ACTR1A: variants seen among roughly 807,000 people sequenced by gnomAD.
ACTR1A encodes the protein actin related protein 1A.
In ACTR1A, 10 loss-of-function variants were observed where a neutral mutation model predicts 50.7. That is an observed-to-expected ratio of 0.20 (90% CI 0.12 to 0.33). ACTR1A has a LOEUF of 0.33. ACTR1A is among the 10% of genes least tolerant of loss of function. The pLI, the probability that ACTR1A is intolerant of heterozygous loss-of-function variation, is 1.00. For synonymous variants in ACTR1A, 177 were observed against 184.2 expected (o/e 0.96, Z 0.32); for missense variants, 253 against 491.7 (o/e 0.51, Z 4.59).
chr10:102,499,192 T>C (rs1589966104), intron 1 of ACTR1A, among the ~76,000 whole-genome samples: 1 of 152,210 alleles, frequency 6.6e-6, no homozygotes, highest in South Asian at 2.1e-4. Flanking sequence ...TGTTAAGCTA[T>C]GGAGTTAACA....
chr10:102,481,373 G>A (rs2062140799), intron 9 of ACTR1A, among the ~76,000 whole-genome samples: 1 of 132,374 alleles, frequency 7.6e-6, no homozygotes, highest in Non-Finnish European at 1.7e-5. Flanking sequence ...GGGAAGCTGG[G>A]ACTATTGGGG....
rs60721005 is a variant in ACTR1A, at chr10:102,491,960, A to G, written c.49-1347T>C. ...TTTTTTTTTTTTTTTTAGTAGAGAC[A>G]GGGTTTCACCGTGTTAGCCAGGATG... On this transcript the variant is annotated intron_variant, in intron 1 of 10. Transcript: ENST00000369905. Among the ~76,000 whole-genome samples, 1,206 of 139,480 alleles carry G rather than the reference A, an allele frequency of 8.6e-3. 19 individuals carry two copies. Among genetic ancestry groups the G allele is most frequent in the African/African-American group, 0.031 (1,147 of 36,936 alleles). 91.5% of individuals were successfully genotyped at this position (139,480 alleles called of 152,430 possible).
In ACTR1A at chr10:102,495,133, C is replaced by T. The variant is rs1034407883; in HGVS notation, c.49-4520G>A. Among the ~76,000 whole-genome samples, 6 of 151,984 alleles carry T rather than the reference C, an allele frequency of 3.9e-5. No homozygotes were observed. The East Asian group carries it at 5.8e-4, about 15-fold the overall frequency. On this transcript the variant is annotated intron_variant, in intron 1 of 10. Coordinates refer to ENST00000369905, the MANE Select transcript of ACTR1A (RefSeq NM_005736.4). The stretch of plus-strand genomic sequence containing the variant: ...GCCTACAAAATATTTAAAAATTACT[C>T]GGGTGTGGTGGTGCGGGTCCATAGT...
Position 102,481,987 on chromosome 10 carries a change from G to A in ACTR1A, c.925+14C>T, listed in dbSNP as rs749730210. On this transcript the variant is annotated intron_variant, in intron 8 of 10. Coordinates refer to ENST00000369905, the MANE Select transcript of ACTR1A (RefSeq NM_005736.4). ...AACACTTCCAGGGGAAGGGCTCCAA[G>A]AGAAGAGACAAACCTTTGAACAGGG... The A allele has an allele frequency of 2.0e-5, 32 of 1,614,120 alleles. No homozygotes were observed. Among genetic ancestry groups the A allele is most frequent in the Non-Finnish European group, 2.6e-5 (31 of 1,180,020 alleles).
At position 102,502,627 on chromosome 10, in the gene ACTR1A, G is replaced by A. The variant is rs752781135; in HGVS notation, c.21C>T (p.Ile7=). The A allele has an allele frequency of 1.7e-5, 27 of 1,614,236 alleles. 1 individual carries two copies. The South Asian group carries it at 2.6e-4, about 16-fold the overall frequency. ...TGTCGATCACGACAGGCTGGTTGGC[G>A]ATCACATCGTAGGACTCCATGGCAG... MESYDV[I]ANQPVVIDNG... is the part of the protein sequence containing the mutation. The change falls in exon 1 of 11, where the codon ATC becomes ATT. Residue 7 remains isoleucine, a synonymous_variant. Transcript: ENST00000369905.
At chr10:102,495,329 C>T (rs967019460) in intron 1 of ACTR1A, among the ~76,000 whole-genome samples, 5 of 151,842 alleles carry the variant, frequency 3.3e-5, no homozygotes, top group South Asian at 2.1e-4. Context: ...CAGCATTTTG[C>T]GAGGCCAAGG....
Position 102,482,727 on chromosome 10 carries a change from A to G in ACTR1A, c.750+284T>C, listed in dbSNP as rs2062149826. On this transcript the variant is annotated intron_variant, in intron 7 of 10. Transcript: ENST00000369905. The surrounding 1 kb of genome is among the most constrained non-coding windows in gnomAD (Gnocchi z 5.6). ...CTTCCCTGGGCCACATTGGAAGAAG[A>G]ATTGTCTTGGGCCACACATAATATA... The G allele has an allele frequency of 2.5e-6, 1 of 395,836 alleles. No individual in the cohort carries two copies. The highest frequency in any genetic ancestry group is 4.6e-6 in the Non-Finnish European group (1 of 218,146). 24.5% of individuals were successfully genotyped at this position (395,836 alleles called of 1,614,324 possible). A position where few individuals can be genotyped will look rare whatever the true frequency, so the allele number is the denominator to read the frequency against.
intron 4 of ACTR1A, 84 bp from the exon 5 acceptor site, chr10:102,485,817 T>C: frequency 3.8e-6 from 6 of 1,576,828 alleles, no homozygotes; most frequent in Non-Finnish European, 5.2e-6. Context: ...CCTGCCTTGC[T>C]GGTTTGAGAG....
At chr10:102,490,464 CA>C in intron 2 of ACTR1A, 84 bp downstream of exon 2, 2 of 1,121,094 alleles carry the variant, frequency 1.8e-6, no homozygotes, top group South Asian at 2.7e-5. Context: ...TTGTTGACTC[CA>C]AACTCGGCTC....
rs1202728448 is a variant in ACTR1A at position 102,480,989 on chromosome 10, A to G, written c.1029-24T>C. 3.8e-6 allele frequency: 6 copies of G among 1,596,500 alleles called. No homozygotes were observed. In the East Asian group the frequency reaches 1.3e-4, roughly 36 times the overall value. ...CCCTGGAGGGAGGAAACCCAGAGGAACTGTGTGAGAGAGAAGTGGCTGTGT... is the reference window on the plus strand; with the variant it reads ...CCCTGGAGGGAGGAAACCCAGAGGAGCTGTGTGAGAGAGAAGTGGCTGTGT... On this transcript the variant is annotated intron_variant, in intron 10 of 10. Coordinates refer to ENST00000369905, the MANE Select transcript of ACTR1A (RefSeq NM_005736.4).
intron 1 of ACTR1A, among the ~76,000 whole-genome samples, chr10:102,493,886 A>T (rs1419563819): frequency 1.3e-5 from 2 of 152,220 alleles, no homozygotes; most frequent in African/African-American, 4.8e-5. Flanking sequence ...CCCCAGGCAG[A>T]GGCGGTTCAG....
At position 102,488,630 on chromosome 10, in the gene ACTR1A, C is replaced by T. The variant is rs2062179595; in HGVS notation, c.190-355G>A. ...CCTCAGCACTTGAAGCCAAGGATGG[C>T]AACAGCGATTCTGCTATCTGCTTAC... is the stretch of plus-strand genomic sequence containing the variant. On this transcript the variant is annotated intron_variant, in intron 3 of 10. Transcript: ENST00000369905. The surrounding 1 kb of genome is among the most constrained non-coding windows in gnomAD (Gnocchi z 4.4). 1.3e-5 allele frequency among the ~76,000 whole-genome samples: 2 copies of T among 152,176 alleles called. No homozygotes were observed. Among genetic ancestry groups the T allele is most frequent in the Non-Finnish European group, 1.5e-5 (1 of 68,026 alleles).
intron 1 of ACTR1A, among the ~76,000 whole-genome samples, chr10:102,491,461 G>C (rs371320258): frequency 6.6e-6 from 1 of 152,232 alleles, no homozygotes; most frequent in East Asian, 1.9e-4. Context: ...TGCAAGGGCA[G>C]AGCACGATGC....
intron 6 of ACTR1A, chr10:102,483,332 T>C (rs1156370260): frequency 1.7e-5 from 8 of 483,614 alleles, no homozygotes; most frequent in Non-Finnish European, 3.0e-5. Context: ...ATGGGCAAGC[T>C]TGGAAACTTG....
Position 102,480,997 on chromosome 10 carries a change from A to G in ACTR1A, c.1029-32T>C, listed in dbSNP as rs780898762. 3.8e-6 allele frequency: 6 copies of G among 1,592,156 alleles called. 1 individual carries two copies. In the South Asian group the frequency reaches 6.6e-5, roughly 18 times the overall value. ...GGAGGAAACCCAGAGGAACTGTGTG[A>G]GAGAGAAGTGGCTGTGTGTGGAGCC... On this transcript the variant is annotated intron_variant, in intron 10 of 10. Coordinates refer to ENST00000369905, the MANE Select transcript of ACTR1A (RefSeq NM_005736.4).
chr10:102,500,596 C>T (rs1269470574), intron 1 of ACTR1A, among the ~76,000 whole-genome samples: 2 of 131,258 alleles, frequency 1.5e-5, no homozygotes, highest in Non-Finnish European at 3.1e-5. Context: ...AACAAACAAA[C>T]AAACAAACAA....
rs1403986155 is a variant in ACTR1A, at chr10:102,488,517, C to A, written c.190-242G>T. ...AGCAGGGGCTTCTGCATTTCCATGGCCCCTCAGGTGCCTCTAGGGCAAGTG... is the reference window on the plus strand; with the variant it reads ...AGCAGGGGCTTCTGCATTTCCATGGACCCTCAGGTGCCTCTAGGGCAAGTG... On this transcript the variant is annotated intron_variant, in intron 3 of 10. Coordinates refer to ENST00000369905, the MANE Select transcript of ACTR1A (RefSeq NM_005736.4). This position sits in a 1 kb window ranked among gnomAD's most constrained non-coding sequence, Gnocchi z 4.4. 6.6e-6 allele frequency among the ~76,000 whole-genome samples: 1 copy of A among 152,220 alleles called. No individual in the cohort carries two copies. The highest frequency in any genetic ancestry group is 2.4e-5 in the African/African-American group (1 of 41,456).
intron 2 of ACTR1A, among the ~76,000 whole-genome samples, chr10:102,489,838 T>C (rs1368761459): frequency 6.6e-6 from 1 of 150,376 alleles, no homozygotes; most frequent in African/African-American, 2.5e-5. Context: ...ACTGTGATGC[T>C]ATAGATCGGA....
chr10:102,497,307 T>C (rs2062227152), intron 1 of ACTR1A, among the ~76,000 whole-genome samples: 2 of 152,232 alleles, frequency 1.3e-5, no homozygotes, highest in South Asian at 4.1e-4. Context: ...CCTTCTCCTT[T>C]GTATGTTTGA....
Sources: allele counts gnomAD v4.1 joint callset (sites outside exome capture counted in the v4.1 genomes callset), GRCh38; gene constraint gnomAD v4.1.1; non-coding constraint Gnocchi (gnomAD v3.1); transcripts MANE v1.5; gene names NCBI Gene and HGNC (gene_info 2026-07-23, HGNC 2026-07-21).